KATNIP: variants seen among roughly 807,000 people sequenced by gnomAD.
The protein encoded by KATNIP is katanin interacting protein.
KATNIP carries 126 observed loss-of-function variants against 174.0 expected under a neutral mutation model. The observed-to-expected ratio is 0.72, with a 90% CI of 0.63 to 0.84. KATNIP has a LOEUF of 0.84. Ranked by LOEUF, KATNIP falls within the 40% of genes least tolerant of loss-of-function variation. The probability of loss-of-function intolerance (pLI) is 0.00; values close to 1 mark genes in which losing one functional copy is unlikely to be tolerated. For synonymous variants in KATNIP, 810 were observed against 835.7 expected (o/e 0.97, Z 0.53); for missense variants, 1,958 against 2,109.7 (o/e 0.93, Z 1.41).
At chr16:27,611,430 C>T (rs2075886414) in intron 2 of KATNIP, among the ~76,000 whole-genome samples, 2 of 152,062 alleles carry the variant, frequency 1.3e-5, no homozygotes, top group Non-Finnish European at 1.5e-5. Flanking sequence ...GAATTAGGCA[C>T]AAAAAGGGGT....
At chr16:27,618,233 G>A (rs2076095832) in intron 2 of KATNIP, among the ~76,000 whole-genome samples, 192 bp from the exon 3 acceptor site, 1 of 152,168 alleles carries the variant, frequency 6.6e-6, no homozygotes, top group Admixed American at 6.5e-5. Flanking sequence ...AGGTGTGTAT[G>A]CCTAAGACCC....
chr16:27,664,805 A>T (rs1267758798), intron 6 of KATNIP, among the ~76,000 whole-genome samples: 1 of 152,238 alleles, frequency 6.6e-6, no homozygotes, highest in Admixed American at 6.5e-5. Flanking sequence ...CATTGAAAAC[A>T]CTAAGTGGGC....
Position 27,773,087 on chromosome 16 carries a change from A to G in KATNIP, c.4199-12A>G, listed in dbSNP as rs1413119097. 1 of 1,528,806 alleles carries G rather than the reference A, an allele frequency of 6.5e-7. No homozygotes were observed. The highest frequency in any genetic ancestry group is 9.0e-7 in the Non-Finnish European group (1 of 1,115,188). 94.7% of individuals were successfully genotyped at this position (1,528,806 alleles called of 1,614,324 possible). On this transcript the variant is annotated splice_polypyrimidine_tract_variant and intron_variant, in intron 22 of 27. Coordinates refer to ENST00000261588, the MANE Select transcript of KATNIP (RefSeq NM_015202.5). ...AAAATTAAGCCTTCTTTTCCTTAAT[A>G]AAGTGTCCCAGTCATTTTCCAGTTT...
rs558811760 is a variant in KATNIP at position 27,651,251 on chromosome 16, C to A, written c.540+2516C>A. ...CTGCTCCGCCAGCACTTAATTTTCT[C>A]CACTCTGAGTGCTTGATTATATTTC... is the stretch of plus-strand genomic sequence containing the variant. On this transcript the variant is annotated intron_variant, in intron 6 of 27. Coordinates refer to ENST00000261588, the MANE Select transcript of KATNIP (RefSeq NM_015202.5). Among the ~76,000 whole-genome samples the A allele has an allele frequency of 2.0e-5, 3 of 152,354 alleles. No individual in the cohort carries two copies. In the South Asian group the frequency reaches 6.2e-4, roughly 32 times the overall value.
Position 27,750,220 on chromosome 16 carries a change from G to C in KATNIP, c.3260G>C (p.Arg1087Pro). Residue 1087 changes from arginine to proline, a missense_variant, in exon 16 of 28, where the codon CGA becomes CCA. This residue lies in a region of KATNIP where 1,557 missense variants were observed against 1,617.8 expected (regional missense o/e 0.96). Transcript: ENST00000261588. Reference protein sequence around the residue: ...NYNKSRIHSFRGVKDITMLLD... With the variant: ...NYNKSRIHSFPGVKDITMLLD... ...AATAAATCTCGGATACATTCCTTCCGAGGCGTGAAGGACATCACAATGCTG... is the reference window on the plus strand; with the variant it reads ...AATAAATCTCGGATACATTCCTTCCCAGGCGTGAAGGACATCACAATGCTG... 1 of 1,614,010 alleles carries C rather than the reference G, an allele frequency of 6.2e-7. No homozygotes were observed. The highest frequency in any genetic ancestry group is 8.5e-7 in the Non-Finnish European group (1 of 1,179,992).
At position 27,769,983 on chromosome 16, in the gene KATNIP, C is replaced by T; in HGVS notation, c.4098C>T (p.Tyr1366=). ...CTCAAGAAATCCTCTTCGTGGACTA[C>T]CTACGGGCTCAGCTGCTGCCCCAGC... is the stretch of plus-strand genomic sequence containing the variant. ...DFAQEILFVD[Y]LRAQLLPQPA... Residue 1366 remains tyrosine (Y), a synonymous_variant, in exon 21 of 28, where the codon TAC becomes TAT. Coordinates refer to ENST00000261588, the MANE Select transcript of KATNIP (RefSeq NM_015202.5). 1.2e-6 allele frequency: 2 copies of T among 1,614,138 alleles called. No individual in the cohort carries two copies. The highest frequency in any genetic ancestry group is 1.7e-6 in the Non-Finnish European group (2 of 1,179,944).
intron 6 of KATNIP, among the ~76,000 whole-genome samples, chr16:27,673,202 T>C (rs1379522676): frequency 1.3e-5 from 2 of 152,230 alleles, no homozygotes; most frequent in African/African-American, 4.8e-5. Context: ...GGTTTTACTC[T>C]ACCTATCTGT....
chr16:27,575,995 G>A (rs935538822), intron 2 of KATNIP, among the ~76,000 whole-genome samples: 16 of 152,266 alleles, frequency 1.1e-4, no homozygotes, highest in Non-Finnish European at 1.9e-4. Context: ...ATGGAAGTGA[G>A]CCCAGACCTG....
intron 24 of KATNIP, 107 bp downstream of exon 24, chr16:27,775,191 C>A: frequency 1.5e-6 from 2 of 1,373,546 alleles, no homozygotes; most frequent in Admixed American, 4.7e-5. Flanking sequence ...AAGTTAATCT[C>A]AAGCCAAGAT....
intron 2 of KATNIP, among the ~76,000 whole-genome samples, chr16:27,609,831 A>G (rs2075836388): frequency 6.6e-6 from 1 of 151,680 alleles, no homozygotes; most frequent in Non-Finnish European, 1.5e-5. Flanking sequence ...AGCTGGGATT[A>G]CAAGCATGCG....
At chr16:27,573,359 C>T (rs1038263113) in intron 1 of KATNIP, among the ~76,000 whole-genome samples, 2 of 152,194 alleles carry the variant, frequency 1.3e-5, no homozygotes, top group Non-Finnish European at 2.9e-5. Context: ...TTATGCACAC[C>T]TTCAAATGTT....
chr16:27,609,613 A>G (rs1421872602), intron 2 of KATNIP, among the ~76,000 whole-genome samples: 5 of 148,786 alleles, frequency 3.4e-5, no homozygotes. Context: ...GGTGGTCTCG[A>G]TCTCCTGACC....
chr16:27,648,784 G>A, intron 6 of KATNIP, 49 bp downstream of exon 6: 1 of 1,591,292 alleles, frequency 6.3e-7, no homozygotes, highest in South Asian at 1.1e-5. Flanking sequence ...GGACGGCGAG[G>A]CTCGGTGCTG....
chr16:27,659,924 C>A, intron 6 of KATNIP: 1 of 757,300 alleles, frequency 1.3e-6, no homozygotes, highest in Non-Finnish European at 1.6e-6. Flanking sequence ...TTCTTCTGAG[C>A]ATGCACCCCC....
At chr16:27,692,295 T>C (rs1008197588) in intron 8 of KATNIP, among the ~76,000 whole-genome samples, 20 of 152,228 alleles carry the variant, frequency 1.3e-4, no homozygotes, top group African/African-American at 4.6e-4. Flanking sequence ...TTTTTTCAAC[T>C]GTGCTTTACT....
chr16:27,721,018 A>G (rs930249999), intron 13 of KATNIP, among the ~76,000 whole-genome samples: 3 of 152,110 alleles, frequency 2.0e-5, no homozygotes, highest in Non-Finnish European at 4.4e-5. Flanking sequence ...CTGCAAACTG[A>G]AGCCTCCAAG....
intron 2 of KATNIP, among the ~76,000 whole-genome samples, chr16:27,608,303 T>C (rs2075775819): frequency 6.9e-6 from 1 of 145,048 alleles, no homozygotes; most frequent in African/African-American, 2.5e-5. Context: ...CAATCATAGC[T>C]CACTGCAGCC....
intron 6 of KATNIP, among the ~76,000 whole-genome samples, chr16:27,668,880 C>T (rs1418399891): frequency 6.6e-6 from 1 of 152,138 alleles, no homozygotes; most frequent in Non-Finnish European, 1.5e-5. Flanking sequence ...GTGATATGCA[C>T]CTGTAATCCC....
At chr16:27,553,500 C>T (rs1410376039) in intron 1 of KATNIP, among the ~76,000 whole-genome samples, 26 of 152,146 alleles carry the variant, frequency 1.7e-4, no homozygotes. Flanking sequence ...TTAAAACAAA[C>T]AAACAATTAT....
Sources: gnomAD v4.1 joint callset for allele counts (sites outside exome capture counted in the v4.1 genomes callset) on GRCh38, gnomAD v4.1.1 for gene constraint, gnomAD v4.1.1 regional missense constraint, MANE v1.5 for transcripts, NCBI Gene and HGNC (gene_info 2026-07-23, HGNC 2026-07-21) for gene names.